The following EMB variants were observed in gnomAD, a reference collection of about 807,000 sequenced individuals.
EMB encodes the protein embigin homolog.
In EMB, 31 loss-of-function variants were observed where a neutral mutation model predicts 41.4. The observed-to-expected ratio is 0.75, with a 90% CI of 0.56 to 1.01. The LOEUF (loss-of-function observed/expected upper bound fraction) is 1.01, where lower values mean the gene tolerates loss of function less well. EMB is among the 50% of genes least tolerant of loss of function. The pLI, the probability that EMB is intolerant of heterozygous loss-of-function variation, is 0.00. For synonymous variants in EMB, 137 were observed against 140.4 expected (o/e 0.98, Z 0.17); for missense variants, 379 against 388.3 (o/e 0.98, Z 0.20).
At chr5:50,424,577 GATT>G (rs1745580311) in intron 2 of EMB, among the ~76,000 whole-genome samples, 1 of 152,176 alleles carries the variant, frequency 6.6e-6, no homozygotes, top group Non-Finnish European at 1.5e-5. Context: ...TTAATCACAA[GATT>G]ATTAAATCAT....
At chr5:50,411,090 T>G (rs1033075729) in intron 3 of EMB, 107 bp downstream of exon 3, 5 of 1,181,602 alleles carry the variant, frequency 4.2e-6, no homozygotes, top group East Asian at 2.4e-5. Flanking sequence ...ATTAGAATAT[T>G]AGCATAACAT....
At chr5:50,413,085 C>T (rs577663678) in intron 2 of EMB, among the ~76,000 whole-genome samples, 1 of 152,224 alleles carries the variant, frequency 6.6e-6, no homozygotes, top group East Asian at 1.9e-4. Context: ...CACACACACA[C>T]TTAGGGAAAA....
rs566090726 is a variant in EMB, at chr5:50,408,100, T to TTA, written c.473-2250_473-2249dup. On this transcript the variant is annotated intron_variant, in intron 4 of 8. Transcript: ENST00000303221. ...TTCTATTATGCTACCTTTCCATACTTTATATTTTTAGATACTTCCAGGGGA... is the reference window on the plus strand; with the variant it reads ...TTCTATTATGCTACCTTTCCATACTTTATATATTTTTAGATACTTCCAGGGGA... Among the ~76,000 whole-genome samples the TTA allele has an allele frequency of 6.4e-4, 98 of 152,106 alleles. 1 individual carries two copies. The South Asian group carries it at 0.01, about 16-fold the overall frequency.
chr5:50,401,162 G>A (rs552121304), intron 7 of EMB, among the ~76,000 whole-genome samples: 2 of 151,990 alleles, frequency 1.3e-5, no homozygotes, highest in Non-Finnish European at 1.5e-5. Context: ...CCAACTATGG[G>A]AGTCTATGAT....
In EMB at chr5:50,398,935, GTTA is replaced by G. The variant is rs1290199266; in HGVS notation, c.*335_*337del. 1 of 177,764 alleles carries G rather than the reference GTTA, an allele frequency of 5.6e-6. No homozygotes were observed. The highest frequency in any genetic ancestry group is 1.2e-5 in the Non-Finnish European group (1 of 84,526). The allele number at this position is 177,764 out of a possible 1,614,324, so 11.0% of individuals were successfully genotyped here. A position where few individuals can be genotyped will look rare whatever the true frequency, so the allele number is the denominator to read the frequency against. On this transcript the variant is annotated 3_prime_UTR_variant, in exon 9 of 9. Transcript: ENST00000303221. ...GGCTTTCTTTTTCATGAATTCTTTG[GTTA>G]TAAACAGGTTTTGAGTGATTTTTGT... is the stretch of plus-strand genomic sequence containing the variant.
rs370527951 is a variant in EMB, at chr5:50,403,422, C to G, written c.633G>C (p.Val211=). 5 of 1,612,224 alleles carry G rather than the reference C, an allele frequency of 3.1e-6. No individual in the cohort carries two copies. The highest frequency in any genetic ancestry group is 4.2e-6 in the Non-Finnish European group (5 of 1,178,950). The stretch of plus-strand genomic sequence containing the variant: ...TTTCGTTAGCATATGTTCCATTGAT[C>G]ACATATTTATTCATTTGAACACCAA... ...VPVGVQMNKY[V]INGTYANETK... is the part of the protein sequence containing the mutation. Residue 211 remains valine (V), a synonymous_variant, in exon 6 of 9, where the codon GTG becomes GTC. Transcript: ENST00000303221.
chr5:50,427,040 T>C (rs1745622873), intron 2 of EMB, among the ~76,000 whole-genome samples: 1 of 152,146 alleles, frequency 6.6e-6, no homozygotes, highest in African/African-American at 2.4e-5. Flanking sequence ...ACTCTAAGAC[T>C]AATTTACCCA....
At chr5:50,416,920 C>A (rs957923796) in intron 2 of EMB, among the ~76,000 whole-genome samples, 2 of 152,096 alleles carry the variant, frequency 1.3e-5, no homozygotes, top group Non-Finnish European at 2.9e-5. Flanking sequence ...AATACCTTGT[C>A]CCTTAATTTG....
At chr5:50,422,413 T>TC (rs1745539879) in intron 2 of EMB, among the ~76,000 whole-genome samples, 1 of 152,196 alleles carries the variant, frequency 6.6e-6, no homozygotes, top group Non-Finnish European at 1.5e-5. Flanking sequence ...CTTCTTACTT[T>TC]GGGAAGTACT....
At chr5:50,405,893 T>C in intron 4 of EMB, 41 bp from the exon 5 acceptor site, 1 of 1,538,190 alleles carries the variant, frequency 6.5e-7, no homozygotes, top group Non-Finnish European at 8.7e-7. Context: ...TGAAAGAGTT[T>C]AGGTAAAGGA....
chr5:50,417,368 C>A (rs1344777998), intron 2 of EMB, among the ~76,000 whole-genome samples: 1 of 152,052 alleles, frequency 6.6e-6, no homozygotes, highest in Non-Finnish European at 1.5e-5. Context: ...AAGTTTATAT[C>A]CAAAATTTAT....
At chr5:50,407,515 G>A (rs1490070881) in intron 4 of EMB, among the ~76,000 whole-genome samples, 1 of 151,930 alleles carries the variant, frequency 6.6e-6, no homozygotes, top group African/African-American at 2.4e-5. Context: ...CTGTTTTCTT[G>A]CCATCTCTTC....
At chr5:50,409,539 TA>T (rs1745301067) in intron 4 of EMB, among the ~76,000 whole-genome samples, 1 of 151,874 alleles carries the variant, frequency 6.6e-6, no homozygotes, top group African/African-American at 2.4e-5. Flanking sequence ...TGTTTAGTAT[TA>T]TTTTTTGCTC....
chr5:50,420,941 A>G (rs1223736928), intron 2 of EMB, among the ~76,000 whole-genome samples: 1 of 152,160 alleles, frequency 6.6e-6, no homozygotes, highest in Non-Finnish European at 1.5e-5. Flanking sequence ...TGACTCATCC[A>G]TTGGCCAAAA....
At chr5:50,411,009 C>A in intron 3 of EMB, 44 bp from the exon 4 acceptor site, 2 of 1,419,992 alleles carry the variant, frequency 1.4e-6, no homozygotes, top group Non-Finnish European at 9.6e-7. Context: ...GTTCTCAAAA[C>A]CTTAATGAAA....
At chr5:50,428,564 C>A (rs1053960205) in intron 1 of EMB, 51 of 994,816 alleles carry the variant, frequency 5.1e-5, no homozygotes, top group Non-Finnish European at 1.6e-5. Flanking sequence ...GATGAGAGAG[C>A]CAGAAAATGG....
At position 50,396,546 on chromosome 5, in the gene EMB, TG is replaced by T. The variant is rs1745069100; in HGVS notation, c.*2726del. On this transcript the variant is annotated 3_prime_UTR_variant, in exon 9 of 9. Coordinates refer to ENST00000303221, the MANE Select transcript of EMB (RefSeq NM_198449.3). ...CAGATTAAAGTCTTGAAAGATAATC[TG>T]GGGTTAGTCAAGCAGGTAGAAGTGT... The T allele has an allele frequency of 6.6e-6, 1 of 152,112 alleles. No homozygotes were observed. The highest frequency in any genetic ancestry group is 1.5e-5 in the Non-Finnish European group (1 of 68,032). 9.4% of individuals were successfully genotyped at this position (152,112 alleles called of 1,614,324 possible). A position where few individuals can be genotyped will look rare whatever the true frequency, so the allele number is the denominator to read the frequency against.
Position 50,441,174 on chromosome 5 carries a change from T to C in EMB, c.-23A>G. 1 of 1,412,532 alleles carries C rather than the reference T, an allele frequency of 7.1e-7. No individual in the cohort carries two copies. Among genetic ancestry groups the C allele is most frequent in the Non-Finnish European group, 9.3e-7 (1 of 1,071,168 alleles). The allele number at this position is 1,412,532 out of a possible 1,614,324, so 87.5% of individuals were successfully genotyped here. A position where few individuals can be genotyped will look rare whatever the true frequency, so the allele number is the denominator to read the frequency against. ...CATGGCGCCAGAGGGTCCGCCTGGG[T>C]CCTCGTGGAGACTGCTCCCTCAGCT... On this transcript the variant is annotated 5_prime_UTR_variant, in exon 1 of 9. Coordinates refer to ENST00000303221, the MANE Select transcript of EMB (RefSeq NM_198449.3).
rs533244673 is a variant in EMB, at chr5:50,440,310, G to C, written c.112+730C>G. 6.5e-4 allele frequency among the ~76,000 whole-genome samples: 99 copies of C among 152,172 alleles called. 1 individual carries two copies. The South Asian group carries it at 0.013, about 20-fold the overall frequency. On this transcript the variant is annotated intron_variant, in intron 1 of 8. Transcript: ENST00000303221. Reference sequence around the variant, plus strand: ...GCACTTTGGGAGGCCGAAGCGGGCGGATCACCTCAGGTTGGGAGTTCGAGA... The same window carrying C: ...GCACTTTGGGAGGCCGAAGCGGGCGCATCACCTCAGGTTGGGAGTTCGAGA...
Sources: gnomAD v4.1 joint callset for allele counts (sites outside exome capture counted in the v4.1 genomes callset) on GRCh38, gnomAD v4.1.1 for gene constraint, MANE v1.5 for transcripts, NCBI Gene and HGNC (gene_info 2026-07-23, HGNC 2026-07-21) for gene names.